B3GALT1: variants seen among roughly 807,000 people sequenced by gnomAD.
The protein encoded by B3GALT1 is beta-1,3-galactosyltransferase 1.
B3GALT1 carries 10 observed loss-of-function variants against 23.2 expected under a neutral mutation model. The observed-to-expected ratio is 0.43, with a 90% CI of 0.27 to 0.73. The LOEUF is 0.73. Ranked by LOEUF, B3GALT1 falls within the 30% of genes least tolerant of loss-of-function variation. The probability of loss-of-function intolerance (pLI) is 0.21; values close to 1 mark genes in which losing one functional copy is unlikely to be tolerated. For synonymous variants in B3GALT1, 156 were observed against 141.5 expected (o/e 1.10, Z -0.73); for missense variants, 299 against 405.4 (o/e 0.74, Z 2.25).
At chr2:167,359,285 G>A (rs1574047636) in intron 1 of B3GALT1, among the ~76,000 whole-genome samples, 1 of 152,038 alleles carries the variant, frequency 6.6e-6, no homozygotes, top group East Asian at 1.9e-4. Context: ...AATATATCAA[G>A]GCACATCCTC....
At chr2:167,711,213 C>T (rs1414128844) in intron 3 of B3GALT1, among the ~76,000 whole-genome samples, 1 of 152,178 alleles carries the variant, frequency 6.6e-6, no homozygotes, top group Non-Finnish European at 1.5e-5. Flanking sequence ...ACTTACATGT[C>T]ACCTTCTCAA....
intron 2 of B3GALT1, among the ~76,000 whole-genome samples, chr2:167,605,433 G>T (rs1420325110): frequency 6.6e-6 from 1 of 152,044 alleles, no homozygotes; most frequent in African/African-American, 2.4e-5. Flanking sequence ...CATGGTGGCT[G>T]ACCCACGTGG....
chr2:167,747,577 G>A (rs1687671644), intron 3 of B3GALT1, among the ~76,000 whole-genome samples: 1 of 152,204 alleles, frequency 6.6e-6, no homozygotes, highest in South Asian at 2.1e-4. Flanking sequence ...AGAGGCTCAA[G>A]AGAAACTCAT....
intron 1 of B3GALT1, among the ~76,000 whole-genome samples, chr2:167,371,851 G>A (rs1157967283): frequency 1.3e-5 from 2 of 151,726 alleles, no homozygotes; most frequent in South Asian, 2.1e-4. Context: ...TTTAATCAGA[G>A]GTAAAATTTT....
At chr2:167,554,898 C>A (rs1683815848) in intron 2 of B3GALT1, among the ~76,000 whole-genome samples, 1 of 152,090 alleles carries the variant, frequency 6.6e-6, no homozygotes, top group Non-Finnish European at 1.5e-5. Context: ...TAGAAAAGTT[C>A]ATGAAACTCA....
At chr2:167,558,075 A>C (rs1683886331) in intron 2 of B3GALT1, 1 of 152,166 alleles carries the variant, frequency 6.6e-6, no homozygotes, top group Admixed American at 6.5e-5. Context: ...AGTAATACTG[A>C]GTTCTGGTTA....
chr2:167,343,412 T>C (rs1441288402), intron 1 of B3GALT1, among the ~76,000 whole-genome samples: 1 of 152,194 alleles, frequency 6.6e-6, no homozygotes, highest in Non-Finnish European at 1.5e-5. Context: ...TCAGGGAATG[T>C]CTTTAGTTAC....
At chr2:167,852,394 G>C (rs1040182095) in intron 4 of B3GALT1, among the ~76,000 whole-genome samples, 1 of 152,008 alleles carries the variant, frequency 6.6e-6, no homozygotes, top group Non-Finnish European at 1.5e-5. Flanking sequence ...GGATTTGGCA[G>C]TTGACAACCA....
At chr2:167,498,505 AC>A (rs1236859910) in intron 2 of B3GALT1, among the ~76,000 whole-genome samples, 1 of 152,180 alleles carries the variant, frequency 6.6e-6, no homozygotes, top group Non-Finnish European at 1.5e-5. Flanking sequence ...CTCTGCCATG[AC>A]CTAAAATTCA....
chr2:167,373,243 AT>A (rs1697712161), intron 1 of B3GALT1, among the ~76,000 whole-genome samples: 2 of 152,148 alleles, frequency 1.3e-5, no homozygotes, highest in African/African-American at 4.8e-5. Flanking sequence ...TATAAACCTA[AT>A]TTTAAAAAAC....
chr2:167,602,407 G>T (rs1227292136), intron 2 of B3GALT1, among the ~76,000 whole-genome samples: 1 of 152,046 alleles, frequency 6.6e-6, no homozygotes, highest in African/African-American at 2.4e-5. Flanking sequence ...CCATATTTAG[G>T]GGAACTAAAA....
intron 1 of B3GALT1, among the ~76,000 whole-genome samples, chr2:167,472,229 G>C (rs1488372318): frequency 6.6e-6 from 1 of 152,114 alleles, no homozygotes; most frequent in Non-Finnish European, 1.5e-5. Context: ...TATGGGACTT[G>C]AAGTCAATAT....
chr2:167,446,289 C>G lies in B3GALT1; in HGVS notation c.-510-43888C>G, dbSNP rs149361219. Among the ~76,000 whole-genome samples the G allele has an allele frequency of 4.4e-3, 667 of 152,242 alleles. 7 individuals are homozygous for G. The highest frequency in any genetic ancestry group is 0.015 in the African/African-American group (619 of 41,522). Reference sequence around the variant, plus strand: ...TAACCTGACCTTACTCTCTGGCTTCCCTTAACATTTTTTCCTTCACTTCAA... The same window carrying G: ...TAACCTGACCTTACTCTCTGGCTTCGCTTAACATTTTTTCCTTCACTTCAA... On this transcript the variant is annotated intron_variant, in intron 1 of 4. Transcript: ENST00000392690.
chr2:167,639,993 T>C (rs1190471232), intron 2 of B3GALT1, among the ~76,000 whole-genome samples: 1 of 151,776 alleles, frequency 6.6e-6, no homozygotes, highest in African/African-American at 2.4e-5. Flanking sequence ...GCTAAGAAAA[T>C]TATTTTAAGA....
At chr2:167,537,419 T>A (rs528552365) in intron 2 of B3GALT1, among the ~76,000 whole-genome samples, 3 of 152,326 alleles carry the variant, frequency 2.0e-5, no homozygotes, top group Admixed American at 2.0e-4. Context: ...CTATATGTGC[T>A]GTATGTTTCT....
intron 2 of B3GALT1, among the ~76,000 whole-genome samples, chr2:167,551,132 T>C (rs902899288): frequency 1.5e-5 from 2 of 133,530 alleles, no homozygotes; most frequent in African/African-American, 7.7e-5. Context: ...ATCTTAGTCA[T>C]AAAGCACAGC....
chr2:167,869,246 G>C lies in B3GALT1; in HGVS notation c.207G>C (p.Glu69Asp). ...ATTCTTTTGAATTTCTTATCAACGA[G>C]CCCAATAAATGTGAGAAAAACATTC... is the stretch of plus-strand genomic sequence containing the variant. ...NPHSFEFLINEPNKCEKNIPF... is the reference protein window; with the variant it reads ...NPHSFEFLINDPNKCEKNIPF... Residue 69 changes from glutamate to aspartate, a missense_variant, in exon 5 of 5, where the codon GAG becomes GAC. Transcript: ENST00000392690. This position sits in a 1 kb window ranked among gnomAD's most constrained non-coding sequence, Gnocchi z 6.4. 1 of 1,614,138 alleles carries C rather than the reference G, an allele frequency of 6.2e-7. No homozygotes were observed. The highest frequency in any genetic ancestry group is 8.5e-7 in the Non-Finnish European group (1 of 1,180,024).
chr2:167,376,986 A>G (rs1697776074), intron 1 of B3GALT1, among the ~76,000 whole-genome samples: 1 of 151,998 alleles, frequency 6.6e-6, no homozygotes, highest in African/African-American at 2.4e-5. Flanking sequence ...AGCGCTATAA[A>G]CTTTGTTCTT....
intron 2 of B3GALT1, among the ~76,000 whole-genome samples, chr2:167,639,420 T>C (rs549942028): frequency 1.3e-5 from 2 of 152,090 alleles, no homozygotes; most frequent in African/African-American, 2.4e-5. Context: ...GTCATTTATT[T>C]TTTAAATATC....
Sources: gnomAD v4.1 joint callset for allele counts (sites outside exome capture counted in the v4.1 genomes callset) on GRCh38, gnomAD v4.1.1 for gene constraint, Gnocchi (gnomAD v3.1) non-coding constraint, MANE v1.5 for transcripts, NCBI Gene and HGNC (gene_info 2026-07-23, HGNC 2026-07-21) for gene names.